The following NUP214 variants were observed in gnomAD, a reference collection of about 807,000 sequenced individuals.
NUP214 encodes the protein nuclear pore complex protein Nup214.
A neutral mutation model predicts 196.2 loss-of-function variants in NUP214; 79 were observed. The observed-to-expected ratio is 0.40, with a 90% CI of 0.34 to 0.49. The LOEUF (loss-of-function observed/expected upper bound fraction) is 0.49, where lower values mean the gene tolerates loss of function less well. NUP214 is among the 20% of genes least tolerant of loss of function. The probability of loss-of-function intolerance (pLI) is 0.58; values close to 1 mark genes in which losing one functional copy is unlikely to be tolerated. For synonymous variants in NUP214, 1,020 were observed against 990.5 expected (o/e 1.03, Z -0.56); for missense variants, 2,468 against 2,539.0 (o/e 0.97, Z 0.60).
At chr9:131,181,800 C>G (rs1034609827) in intron 24 of NUP214, among the ~76,000 whole-genome samples, 1 of 152,004 alleles carries the variant, frequency 6.6e-6, no homozygotes, top group African/African-American at 2.4e-5. Context: ...TTGTTGTGTC[C>G]TTTGACACGA....
chr9:131,225,618 G>A lies in NUP214; in HGVS notation c.5903-2542G>A, dbSNP rs149601475. Among the ~76,000 whole-genome samples the A allele has an allele frequency of 1.9e-3, 291 of 152,210 alleles. 1 individual carries two copies. The highest frequency in any genetic ancestry group is 6.7e-3 in the African/African-American group (277 of 41,522). On this transcript the variant is annotated intron_variant, in intron 32 of 35. Coordinates refer to ENST00000359428, the MANE Select transcript of NUP214 (RefSeq NM_005085.4). ...ACATCAAAGTGAGGGCAGGGGAAAG[G>A]CCACTCCCCCTCATGTTTCAGGACT...
chr9:131,177,476 A>G (rs540287602), intron 23 of NUP214, among the ~76,000 whole-genome samples: 1 of 152,288 alleles, frequency 6.6e-6, no homozygotes, highest in African/African-American at 2.4e-5. Flanking sequence ...TTGGATGCAA[A>G]AATTTCTAAG....
At chr9:131,185,200 G>T (rs1833420368) in intron 24 of NUP214, among the ~76,000 whole-genome samples, 1 of 152,212 alleles carries the variant, frequency 6.6e-6, no homozygotes, top group South Asian at 2.1e-4. Flanking sequence ...TTTTATAATT[G>T]TGTGTAGAGT....
chr9:131,135,904 A>G, intron 8 of NUP214, 36 bp from the exon 9 acceptor site: 2 of 1,581,450 alleles, frequency 1.3e-6, no homozygotes, highest in Non-Finnish European at 1.7e-6. Context: ...CTATTGCTGT[A>G]TTTGAACGTA....
At position 131,228,194 on chromosome 9, in the gene NUP214, T is replaced by C. The variant is rs1588181849; in HGVS notation, c.5937T>C (p.Pro1979=). 6.2e-7 allele frequency: 1 copy of C among 1,601,174 alleles called. No homozygotes were observed. Among genetic ancestry groups the C allele is most frequent in the Non-Finnish European group, 8.5e-7 (1 of 1,175,090 alleles). ...GFGAAPVFGS[P]PTFGGSPGFG... ...GTGCTGCTCCAGTGTTTGGCAGCCC[T>C]CCTACTTTTGGGGGATCCCCTGGGT... is the stretch of plus-strand genomic sequence containing the variant. The change falls in exon 33 of 36, where the codon CCT becomes CCC. Residue 1979 remains proline (P), a synonymous_variant. Coordinates refer to ENST00000359428, the MANE Select transcript of NUP214 (RefSeq NM_005085.4).
chr9:131,129,575 G>C (rs78431007), intron 4 of NUP214, 98 bp downstream of exon 4: 1 of 966,782 alleles, frequency 1.0e-6, no homozygotes, highest in Non-Finnish European at 1.5e-6. Context: ...TTGTGTTTTG[G>C]TTTTTTTTTT....
At chr9:131,179,469 G>A (rs555840086) in intron 24 of NUP214, among the ~76,000 whole-genome samples, 1 of 152,340 alleles carries the variant, frequency 6.6e-6, no homozygotes, top group African/African-American at 2.4e-5. Flanking sequence ...AAAGGGAAGA[G>A]TTGAGGGACA....
chr9:131,174,732 G>A (rs187528157), intron 22 of NUP214, among the ~76,000 whole-genome samples: 30 of 152,148 alleles, frequency 2.0e-4, no homozygotes, highest in Admixed American at 1.7e-3. Flanking sequence ...AGGATTACAG[G>A]CATGAGCCAC....
chr9:131,175,724 C>T (rs781443823), intron 23 of NUP214, 103 bp downstream of exon 23: 189 of 1,434,786 alleles, frequency 1.3e-4, no homozygotes, highest in Non-Finnish European at 1.7e-4. Context: ...TCTTTGGTGC[C>T]CTTCAGAAGA....
At position 131,150,722 on chromosome 9, in the gene NUP214, A is replaced by T; in HGVS notation, c.2234A>T (p.Asp745Val). Residue 745 changes from aspartate (D) to valine (V), a missense_variant, in exon 16 of 36, where the codon GAT becomes GTT. Around this residue, in one of 5 missense-constraint regions of NUP214, gnomAD observed 1,801 missense variants for 1,779.4 expected, o/e 1.01. Transcript: ENST00000359428. ...ATGAAGATGCTGCGAACAGAATCAGATGACTTGCATACCTTTCTTTTGGAG... is the reference window on the plus strand; with the variant it reads ...ATGAAGATGCTGCGAACAGAATCAGTTGACTTGCATACCTTTCTTTTGGAG... ...EEMKMLRTES[D>V]DLHTFLLEIK... The T allele has an allele frequency of 6.2e-7, 1 of 1,614,152 alleles. No homozygotes were observed. The highest frequency in any genetic ancestry group is 8.5e-7 in the Non-Finnish European group (1 of 1,179,998).
chr9:131,232,374 A>G lies in NUP214; in HGVS notation c.6239+66A>G. 6.8e-7 allele frequency: 1 copy of G among 1,476,506 alleles called. No homozygotes were observed. The highest frequency in any genetic ancestry group is 2.3e-5 in the East Asian group (1 of 44,258). 91.5% of individuals were successfully genotyped at this position (1,476,506 alleles called of 1,614,324 possible). A position where few individuals can be genotyped will look rare whatever the true frequency, so the allele number is the denominator to read the frequency against. ...ATTAAATAAGGTTGGAAGTGTGTGG[A>G]TCTTGCTGGATTTGTGCATTTTCTT... On this transcript the variant is annotated intron_variant, in intron 35 of 35. Coordinates refer to ENST00000359428, the MANE Select transcript of NUP214 (RefSeq NM_005085.4). The surrounding 1 kb of genome is among the most constrained non-coding windows in gnomAD (Gnocchi z 5.1).
Position 131,222,935 on chromosome 9 carries a change from T to A in NUP214, c.5902+5T>A. 1 of 1,612,436 alleles carries A rather than the reference T, an allele frequency of 6.2e-7. No individual in the cohort carries two copies. Among genetic ancestry groups the A allele is most frequent in the Non-Finnish European group, 8.5e-7 (1 of 1,179,244 alleles). On this transcript the variant is annotated splice_donor_5th_base_variant and intron_variant, in intron 32 of 35. Transcript: ENST00000359428. ...TTTCCTCTCCAAACAAAACAGGTAC[T>A]CCTATGTCTATTTGTTATGGTTATC...
intron 27 of NUP214, among the ~76,000 whole-genome samples, chr9:131,193,624 C>CTTTTCTTTTT (rs1564202976): frequency 5.7e-5 from 1 of 17,658 alleles, no homozygotes; most frequent in African/African-American, 1.5e-4. Context: ...ATTCTTCTTC[C>CTTTTCTTTTT]TTTTCTTTTT....
At position 131,193,629 on chromosome 9, in the gene NUP214, C is replaced by CTTT. The variant is rs71389402; in HGVS notation, c.3659+1368_3659+1370dup. Among the ~76,000 whole-genome samples the CTTT allele has an allele frequency of 1.9e-3, 53 of 28,224 alleles. 7 individuals carry two copies. The highest frequency in any genetic ancestry group is 8.4e-3 in the East Asian group (7 of 830). 18.5% of individuals were successfully genotyped at this position (28,224 alleles called of 152,430 possible). A position where few individuals can be genotyped will look rare whatever the true frequency, so the allele number is the denominator to read the frequency against. On this transcript the variant is annotated intron_variant, in intron 27 of 35. Coordinates refer to ENST00000359428, the MANE Select transcript of NUP214 (RefSeq NM_005085.4). Reference sequence around the variant, plus strand: ...GTGAAATGATATTCTTCTTCCTTTTCTTTTTTTTTTTTTTTTTTTTTTTTT... The same window carrying CTTT: ...GTGAAATGATATTCTTCTTCCTTTTCTTTTTTTTTTTTTTTTTTTTTTTTTTTT...
chr9:131,197,405 C>T lies in NUP214; in HGVS notation c.3911C>T (p.Ser1304Phe), dbSNP rs777150098. 5.0e-6 allele frequency: 8 copies of T among 1,614,030 alleles called. No individual in the cohort carries two copies. The Admixed American group carries it at 1.3e-4, about 27-fold the overall frequency. The stretch of plus-strand genomic sequence containing the variant: ...GTGGCACCTTCTGGAACTGCTCTTT[C>T]CACCACCTCTAGTAAGCTGGAAACC... ...RPVAPSGTAL[S>F]TTSSKLETPP... The change falls in exon 29 of 36, where the codon TCC becomes TTC. Residue 1304 changes from serine (S) to phenylalanine (F), a missense_variant. Around this residue, in one of 5 missense-constraint regions of NUP214, gnomAD observed 1,801 missense variants for 1,779.4 expected, o/e 1.01. Transcript: ENST00000359428.
At chr9:131,140,782 C>T in intron 11 of NUP214, 72 bp downstream of exon 11, 1 of 1,446,806 alleles carries the variant, frequency 6.9e-7, no homozygotes, top group East Asian at 2.3e-5. Context: ...CAAGAATGAA[C>T]ATGGTGTGAA....
chr9:131,188,556 G>A (rs1259371307), intron 25 of NUP214, among the ~76,000 whole-genome samples: 2 of 152,198 alleles, frequency 1.3e-5, no homozygotes, highest in Non-Finnish European at 2.9e-5. Context: ...TAAGCATTTA[G>A]CATTCGATCT....
At chr9:131,195,141 G>C in intron 27 of NUP214, 92 bp from the exon 28 acceptor site, 1 of 902,328 alleles carries the variant, frequency 1.1e-6, no homozygotes, top group Non-Finnish European at 1.7e-6. Flanking sequence ...CCTGAGGGCG[G>C]TTTGTATGAA....
chr9:131,139,019 A>G (rs958487010), intron 9 of NUP214, among the ~76,000 whole-genome samples: 1 of 152,182 alleles, frequency 6.6e-6, no homozygotes, highest in African/African-American at 2.4e-5. Flanking sequence ...TTTATTTACA[A>G]GGCAGAGGCT....
Sources: gnomAD v4.1 joint callset for allele counts (sites outside exome capture counted in the v4.1 genomes callset) on GRCh38, gnomAD v4.1.1 for gene constraint, gnomAD v4.1.1 regional missense constraint, Gnocchi (gnomAD v3.1) non-coding constraint, MANE v1.5 for transcripts, NCBI Gene and HGNC (gene_info 2026-07-23, HGNC 2026-07-21) for gene names.